Variants in SNX13 observed in about 807,000 individuals in gnomAD.
SNX13 encodes the protein sorting nexin-13.
A neutral mutation model predicts 133.6 loss-of-function variants in SNX13; 45 were observed. The observed-to-expected ratio is 0.34, with a 90% CI of 0.27 to 0.43. SNX13 has a LOEUF of 0.43. Ranked by LOEUF, SNX13 falls within the 20% of genes least tolerant of loss-of-function variation. SNX13 has a pLI of 1.00. For missense variants in SNX13, 1,032 were observed against 1,145.1 expected (o/e 0.90, Z 1.43); for synonymous variants, 414 against 373.9 (o/e 1.11, Z -1.24).
At chr7:17,934,366 T>C (rs1801785888) in intron 1 of SNX13, among the ~76,000 whole-genome samples, 1 of 152,212 alleles carries the variant, frequency 6.6e-6, no homozygotes, top group African/African-American at 2.4e-5. Flanking sequence ...AAAGTCATTG[T>C]GGTGGATAAT....
At position 17,882,722 on chromosome 7, in the gene SNX13, T is replaced by C. The variant is rs868180935; in HGVS notation, c.441-6932A>G. The C allele has an allele frequency of 3.1e-5, 29 of 933,870 alleles. 1 individual carries two copies. The Middle Eastern group carries it at 1.4e-3, about 45-fold the overall frequency. The allele number at this position is 933,870 out of a possible 1,614,324, so 57.8% of individuals were successfully genotyped here. On this transcript the variant is annotated intron_variant, in intron 5 of 25. Coordinates refer to ENST00000428135, the MANE Select transcript of SNX13 (RefSeq NM_015132.5). The stretch of plus-strand genomic sequence containing the variant: ...AACATGATTGAAAAGAAATCAAGAT[T>C]AGTAACAACCTGACCAGAGAATCTT...
chr7:17,797,538 G>C (rs1784184350), intron 24 of SNX13, among the ~76,000 whole-genome samples: 1 of 151,718 alleles, frequency 6.6e-6, no homozygotes, highest in African/African-American at 2.4e-5. Flanking sequence ...CTTTCATCTG[G>C]GAATTTGGTG....
At chr7:17,817,906 C>CAGT (rs1293829381) in intron 18 of SNX13, among the ~76,000 whole-genome samples, 1 of 152,090 alleles carries the variant, frequency 6.6e-6, no homozygotes, top group Non-Finnish European at 1.5e-5. Context: ...TCCTCAAATT[C>CAGT]ATGTTGAAGC....
intron 13 of SNX13, among the ~76,000 whole-genome samples, chr7:17,839,040 CAAT>C (rs1338280098): frequency 2.0e-5 from 3 of 149,372 alleles, no homozygotes; most frequent in African/African-American, 7.3e-5. Context: ...AGAATTATTA[CAAT>C]ATTATTAGAT....
chr7:17,906,179 G>T (rs1367878301), intron 1 of SNX13, among the ~76,000 whole-genome samples: 1 of 152,120 alleles, frequency 6.6e-6, no homozygotes, highest in Admixed American at 6.5e-5. Flanking sequence ...CACTAGCCAT[G>T]AATTATAATA....
intron 1 of SNX13, chr7:17,899,730 T>C (rs1797609125): frequency 6.6e-6 from 1 of 152,110 alleles, no homozygotes; most frequent in South Asian, 2.1e-4. Flanking sequence ...AATTTTGTTG[T>C]ACTTCCTCAA....
At chr7:17,798,668 G>A (rs576369274) in intron 24 of SNX13, 22 bp downstream of exon 24, 2 of 1,537,338 alleles carry the variant, frequency 1.3e-6, no homozygotes, top group Admixed American at 1.9e-5. Flanking sequence ...CCTGAAAGAA[G>A]TGACTGTGTC....
chr7:17,908,362 G>A (rs561199998), intron 1 of SNX13, among the ~76,000 whole-genome samples: 2 of 152,240 alleles, frequency 1.3e-5, no homozygotes, highest in South Asian at 4.1e-4. Context: ...TGACCTTTGA[G>A]AAAGATTCTA....
At chr7:17,872,623 T>A (rs1297778181) in intron 8 of SNX13, among the ~76,000 whole-genome samples, 1 of 152,180 alleles carries the variant, frequency 6.6e-6, no homozygotes, top group Admixed American at 6.5e-5. Flanking sequence ...ACCATTAACA[T>A]ACCTGAGAAG....
At chr7:17,822,298 T>C (rs951037772) in intron 17 of SNX13, among the ~76,000 whole-genome samples, 2 of 152,142 alleles carry the variant, frequency 1.3e-5, no homozygotes, top group African/African-American at 4.8e-5. Flanking sequence ...GTACTAATCT[T>C]AACTAAGGAG....
intron 9 of SNX13, among the ~76,000 whole-genome samples, chr7:17,863,638 A>G (rs1466945386): frequency 2.0e-5 from 3 of 152,194 alleles, no homozygotes; most frequent in Non-Finnish European, 4.4e-5. Flanking sequence ...TCTGCTGACT[A>G]AAGTGGTCCT....
intron 18 of SNX13, among the ~76,000 whole-genome samples, chr7:17,820,293 T>C (rs995654996): frequency 6.6e-6 from 1 of 152,160 alleles, no homozygotes; most frequent in African/African-American, 2.4e-5. Context: ...TTTTAAATTA[T>C]CATGTTTGGT....
chr7:17,819,778 A>G (rs1042454057), intron 18 of SNX13, among the ~76,000 whole-genome samples: 1 of 152,168 alleles, frequency 6.6e-6, no homozygotes, highest in African/African-American at 2.4e-5. Flanking sequence ...ATATTTTACT[A>G]AAACCTGATT....
chr7:17,861,342 TCA>T (rs59119505), intron 9 of SNX13, among the ~76,000 whole-genome samples: 52,583 of 142,782 alleles, frequency 0.37, 9,721 homozygotes, highest in East Asian at 0.55. Context: ...TACAGTTATC[TCA>T]CACACACACA....
At chr7:17,811,605 T>C (rs930007230) in intron 20 of SNX13, among the ~76,000 whole-genome samples, 2 of 152,202 alleles carry the variant, frequency 1.3e-5, no homozygotes, top group African/African-American at 4.8e-5. Flanking sequence ...GATATCCCCA[T>C]CAAGCTACCA....
chr7:17,831,959 T>A, intron 15 of SNX13: 1 of 983,890 alleles, frequency 1.0e-6, no homozygotes, highest in Non-Finnish European at 1.2e-6. Context: ...CATCACTCCA[T>A]ATACTTTTTT....
intron 8 of SNX13, among the ~76,000 whole-genome samples, chr7:17,870,260 C>T (rs1793929426): frequency 1.3e-5 from 2 of 152,126 alleles, no homozygotes; most frequent in African/African-American, 4.8e-5. Context: ...AATTAAATAG[C>T]AATTATCTCA....
intron 2 of SNX13, 38 bp downstream of exon 2, chr7:17,897,296 G>T: frequency 8.7e-7 from 1 of 1,153,210 alleles, no homozygotes; most frequent in Non-Finnish European, 1.2e-6. Context: ...AACAAGATAT[G>T]ACACATGAAT....
At chr7:17,895,455 A>T in intron 2 of SNX13, among the ~76,000 whole-genome samples, 1 of 152,196 alleles carries the variant, frequency 6.6e-6, no homozygotes. Context: ...AAATATAGAC[A>T]TTATCAACAC....
Sources: gnomAD v4.1 joint callset for allele counts (sites outside exome capture counted in the v4.1 genomes callset) on GRCh38, gnomAD v4.1.1 for gene constraint, MANE v1.5 for transcripts, NCBI Gene and HGNC (gene_info 2026-07-23, HGNC 2026-07-21) for gene names.